NSD2: variants seen among roughly 807,000 people sequenced by gnomAD.
NSD2 encodes nuclear receptor binding SET domain protein 2, also known as histone-lysine N-methyltransferase NSD2.
A neutral mutation model predicts 139.0 loss-of-function variants in NSD2; 12 were observed. The observed-to-expected ratio is 0.09, with a 90% CI of 0.06 to 0.14. NSD2 has a LOEUF of 0.14. Ranked by LOEUF, NSD2 falls within the 10% of genes least tolerant of loss-of-function variation. NSD2 has a pLI of 1.00. For synonymous variants in NSD2, 669 were observed against 648.7 expected, an observed-to-expected ratio of 1.03 and a Z score of -0.48; for missense variants, 1,155 against 1,745.0, an observed-to-expected ratio of 0.66 and a Z score of 6.02.
intron 21 of NSD2, among the ~76,000 whole-genome samples, chr4:1,977,934 C>T (rs1727277296): frequency 6.6e-6 from 1 of 152,116 alleles, no homozygotes; most frequent in South Asian, 2.1e-4. Context: ...CGAGAGCAGC[C>T]TGGCCAACAT....
chr4:1,955,253 A>G lies in NSD2; in HGVS notation c.2431A>G (p.Ile811Val). ...AGCSVIASNS[I>V]ICTAHFTARK... The stretch of plus-strand genomic sequence containing the variant: ...ATGCTCAGTGATCGCCTCCAACAGC[A>G]TCATCTGCACTGCCCACTTCACTGC... The change falls in exon 13 of 22, where the codon ATC becomes GTC. Residue 811 changes from isoleucine to valine, a missense_variant. By Grantham distance (29) the Ile-to-Val change is conservative. This residue lies in a region of NSD2 where 120 missense variants were observed against 239.3 expected (regional missense o/e 0.50). Transcript: ENST00000508803. The surrounding 1 kb of genome is among the most constrained non-coding windows in gnomAD (Gnocchi z 4.7). The G allele has an allele frequency of 1.2e-6, 2 of 1,614,156 alleles. No homozygotes were observed. Among genetic ancestry groups the G allele is most frequent in the South Asian group, 1.1e-5 (1 of 91,080 alleles).
chr4:1,913,314 G>A (rs1382910663), intron 3 of NSD2, among the ~76,000 whole-genome samples: 3 of 152,344 alleles, frequency 2.0e-5, no homozygotes, highest in East Asian at 3.9e-4. Context: ...CCGTTACTTT[G>A]CAAACCAGGA....
intron 1 of NSD2, among the ~76,000 whole-genome samples, chr4:1,877,571 TC>T (rs1157700775): frequency 3.9e-5 from 6 of 152,164 alleles, no homozygotes; most frequent in African/African-American, 1.4e-4. Context: ...CTTTCCCTCT[TC>T]CTTCCTTCTG....
In NSD2 at chr4:1,974,692, G is replaced by C. The variant is rs763784548; in HGVS notation, c.3373-171G>C. Reference sequence around the variant, plus strand: ...GTCCTGACCTGTCCTCTGTGAGCAAGAGAAACAGGACTGGTTTGGGGGTGT... The same window carrying C: ...GTCCTGACCTGTCCTCTGTGAGCAACAGAAACAGGACTGGTTTGGGGGTGT... On this transcript the variant is annotated intron_variant, in intron 18 of 21. Coordinates refer to ENST00000508803, the MANE Select transcript of NSD2 (RefSeq NM_001042424.3). The surrounding 1 kb of genome is among the most constrained non-coding windows in gnomAD (Gnocchi z 4.0). 2.1e-6 allele frequency: 2 copies of C among 957,124 alleles called. No homozygotes were observed. The highest frequency in any genetic ancestry group is 3.2e-5 in the African/African-American group (2 of 62,440). 59.3% of individuals were successfully genotyped at this position (957,124 alleles called of 1,614,324 possible).
chr4:1,979,567 T>G lies in NSD2; in HGVS notation c.*658T>G. 1 of 232,872 alleles carries G rather than the reference T, an allele frequency of 4.3e-6. No individual in the cohort carries two copies. The highest frequency in any genetic ancestry group is 8.5e-6 in the Non-Finnish European group (1 of 117,808). 14.4% of individuals were successfully genotyped at this position (232,872 alleles called of 1,614,324 possible). ...TCCCGTAGTTTTTTCTCCTCATGGA[T>G]TTGAATGAAATGCCAATAACACGTC... On this transcript the variant is annotated 3_prime_UTR_variant, in exon 22 of 22. Transcript: ENST00000508803.
chr4:1,899,985 T>A (rs1479786543), intron 1 of NSD2, among the ~76,000 whole-genome samples: 1 of 152,224 alleles, frequency 6.6e-6, no homozygotes, highest in African/African-American at 2.4e-5. Flanking sequence ...CAGACCTGAC[T>A]GGGATTGCTT....
At chr4:1,885,717 G>T (rs1190554255) in intron 1 of NSD2, among the ~76,000 whole-genome samples, 1 of 151,850 alleles carries the variant, frequency 6.6e-6, no homozygotes, top group African/African-American at 2.4e-5. Context: ...GCCTCTCTTG[G>T]TACCCATGCA....
At chr4:1,880,448 T>C (rs1714616090) in intron 1 of NSD2, among the ~76,000 whole-genome samples, 1 of 152,164 alleles carries the variant, frequency 6.6e-6, no homozygotes, top group Non-Finnish European at 1.5e-5. Flanking sequence ...GGCAGTGTAC[T>C]TCTGCCTGAT....
In NSD2 at chr4:1,942,277, A is replaced by G; in HGVS notation, c.1881+2499A>G. On this transcript the variant is annotated intron_variant, in intron 9 of 21. Coordinates refer to ENST00000508803, the MANE Select transcript of NSD2 (RefSeq NM_001042424.3). The surrounding 1 kb of genome is among the most constrained non-coding windows in gnomAD (Gnocchi z 4.0). ...ATTAATGTGATTTAAGTGTTTTGTA[A>G]CTTCATTTTTTATTCCTTTAGTAGA... is the stretch of plus-strand genomic sequence containing the variant. 1.3e-6 allele frequency: 2 copies of G among 1,595,646 alleles called. No homozygotes were observed. The highest frequency in any genetic ancestry group is 1.7e-6 in the Non-Finnish European group (2 of 1,173,448).
At position 1,978,854 on chromosome 4, in the gene NSD2, C is replaced by G; in HGVS notation, c.4043C>G (p.Pro1348Arg). 6.2e-7 allele frequency: 1 copy of G among 1,600,518 alleles called. No homozygotes were observed. The highest frequency in any genetic ancestry group is 8.5e-7 in the Non-Finnish European group (1 of 1,170,748). Residue 1348 changes from proline to arginine, a missense_variant, in exon 22 of 22, where the codon CCG becomes CGG. Physicochemically the swap from Pro to Arg is moderately radical, Grantham distance 103 (BLOSUM62 -2). Around this residue, in one of 8 missense-constraint regions of NSD2, gnomAD observed 132 missense variants for 94.3 expected, o/e 1.40. Coordinates refer to ENST00000508803, the MANE Select transcript of NSD2 (RefSeq NM_001042424.3). Reference protein sequence around the residue: ...TEKPPPEPGKPKGKRRRRRGW... With the variant: ...TEKPPPEPGKRKGKRRRRRGW... ...AAGCCCCCCCCAGAGCCAGGGAAGC[C>G]GAAGGGGAAGAGGCGGCGGCGGAGG...
intron 7 of NSD2, 40 bp from the exon 8 acceptor site, chr4:1,938,411 T>TG: frequency 8.6e-7 from 1 of 1,164,556 alleles, no homozygotes; most frequent in Non-Finnish European, 1.1e-6. Context: ...CTTTTTTTTT[T>TG]CTTTCTTTTT....
rs1171494347 is a variant in NSD2 at position 1,918,454 on chromosome 4, G to C, written c.1241G>C (p.Ser414Thr). 1 of 1,614,098 alleles carries C rather than the reference G, an allele frequency of 6.2e-7. No individual in the cohort carries two copies. Residue 414 changes from serine (S) to threonine (T), a missense_variant, in exon 5 of 22, where the codon AGT (serine) becomes ACT (threonine). This residue lies in a region of NSD2 where 420 missense variants were observed against 469.0 expected (regional missense o/e 0.90). Transcript: ENST00000508803. ...KLCSSAETLE[S>T]HPDIGKSTPQ... The stretch of plus-strand genomic sequence containing the variant: ...TGTAGCTCTGCAGAGACCCTGGAGA[G>C]TCACCCCGACATAGGGAAGAGTACT...
At position 1,979,097 on chromosome 4, in the gene NSD2, A is replaced by G; in HGVS notation, c.*188A>G. 1 of 611,162 alleles carries G rather than the reference A, an allele frequency of 1.6e-6. No individual in the cohort carries two copies. The highest frequency in any genetic ancestry group is 2.5e-6 in the Non-Finnish European group (1 of 395,586). 37.9% of individuals were successfully genotyped at this position (611,162 alleles called of 1,614,324 possible). A position where few individuals can be genotyped will look rare whatever the true frequency, so the allele number is the denominator to read the frequency against. On this transcript the variant is annotated 3_prime_UTR_variant, in exon 22 of 22. Coordinates refer to ENST00000508803, the MANE Select transcript of NSD2 (RefSeq NM_001042424.3). ...CCTCAGCAGCGTCCGCTGCGTCTGC[A>G]CTGATGACCGTCTGAGCCCAGCTCA... is the stretch of plus-strand genomic sequence containing the variant.
chr4:1,927,841 C>G (rs911278818), intron 5 of NSD2, among the ~76,000 whole-genome samples: 1 of 148,992 alleles, frequency 6.7e-6, no homozygotes, highest in Non-Finnish European at 1.5e-5. Flanking sequence ...ATGTTTTAGT[C>G]AGCTGTGGGA....
chr4:1,971,595 T>C (rs1726487021), intron 18 of NSD2, among the ~76,000 whole-genome samples: 2 of 152,182 alleles, frequency 1.3e-5, no homozygotes, highest in Admixed American at 1.3e-4. Flanking sequence ...CCGTGTACTT[T>C]TCAGAGGCAC....
chr4:1,902,189 C>T (rs971599288), intron 2 of NSD2, among the ~76,000 whole-genome samples: 1 of 152,110 alleles, frequency 6.6e-6, no homozygotes, highest in Non-Finnish European at 1.5e-5. Context: ...CTGTTTAGTT[C>T]TCGCTCATGT....
At chr4:1,960,524 C>T (rs2108974671) in intron 17 of NSD2, among the ~76,000 whole-genome samples, 1 of 152,346 alleles carries the variant, frequency 6.6e-6, no homozygotes, top group African/African-American at 2.4e-5. Flanking sequence ...TGTATTTTGG[C>T]ATGACCCAGG....
chr4:1,957,646 C>T (rs1724967514), intron 15 of NSD2, among the ~76,000 whole-genome samples: 1 of 152,104 alleles, frequency 6.6e-6, no homozygotes, highest in Non-Finnish European at 1.5e-5. Flanking sequence ...GACCCTGGTG[C>T]TTTGTCCTTA....
chr4:1,917,074 A>G (rs1427254934), intron 4 of NSD2, 37 bp downstream of exon 4: 3 of 1,519,272 alleles, frequency 2.0e-6, no homozygotes, highest in Non-Finnish European at 2.6e-6. Context: ...TTAGACCAGA[A>G]ATTTAATTTT....
Sources: allele counts gnomAD v4.1 joint callset (sites outside exome capture counted in the v4.1 genomes callset), GRCh38; gene constraint gnomAD v4.1.1; regional missense constraint gnomAD v4.1.1; non-coding constraint Gnocchi (gnomAD v3.1); transcripts MANE v1.5; gene names NCBI Gene and HGNC (gene_info 2026-07-23, HGNC 2026-07-21).